The following VAC14 variants were observed in gnomAD, a reference collection of about 807,000 sequenced individuals.
VAC14 encodes VAC14 component of PIKFYVE complex.
In VAC14, 47 loss-of-function variants were observed where a neutral mutation model predicts 85.3. The observed-to-expected ratio is 0.55, with a 90% CI of 0.44 to 0.70. The LOEUF is 0.70. VAC14 is among the 30% of genes least tolerant of loss of function. The pLI, the probability that VAC14 is intolerant of heterozygous loss-of-function variation, is 0.00. For missense variants in VAC14, 861 were observed against 1,004.3 expected (o/e 0.86, Z 1.93); for synonymous variants, 447 against 430.5 (o/e 1.04, Z -0.47).
At chr16:70,691,859 T>G (rs1176079391) in intron 18 of VAC14, 1 of 985,282 alleles carries the variant, frequency 1.0e-6, no homozygotes, top group Admixed American at 6.1e-5. Flanking sequence ...CGGGCAGGCC[T>G]GTCTCAAGGC....
At chr16:70,707,136 G>GCCCCTC (rs1332281635) in intron 14 of VAC14, among the ~76,000 whole-genome samples, 1 of 152,158 alleles carries the variant, frequency 6.6e-6, no homozygotes, top group African/African-American at 2.4e-5. Flanking sequence ...ACTGCATCCT[G>GCCCCTC]CCCCTCCCCC....
chr16:70,730,474 A>G (rs956189605), intron 14 of VAC14, among the ~76,000 whole-genome samples: 1 of 151,566 alleles, frequency 6.6e-6, no homozygotes, highest in African/African-American at 2.4e-5. Context: ...GGACTCCTTC[A>G]ACTCCTGACC....
chr16:70,754,320 T>G (rs547309792), intron 12 of VAC14, among the ~76,000 whole-genome samples: 1 of 152,158 alleles, frequency 6.6e-6, no homozygotes, highest in East Asian at 1.9e-4. Flanking sequence ...GCCATTCCCC[T>G]CTCTTCCCTA....
Position 70,801,065 on chromosome 16 carries a change from C to T in VAC14, c.-165G>A, listed in dbSNP as rs1027257371. 4.1e-6 allele frequency: 2 copies of T among 484,258 alleles called. No individual in the cohort carries two copies. Among genetic ancestry groups the T allele is most frequent in the Non-Finnish European group, 7.1e-6 (2 of 279,930 alleles). The allele number at this position is 484,258 out of a possible 1,614,324, so 30.0% of individuals were successfully genotyped here. The stretch of plus-strand genomic sequence containing the variant: ...GCCGCCTCGCCCTGGAACCCGGGCC[C>T]GGACCCCGCTCCAGCACACCTGACC... On this transcript the variant is annotated 5_prime_UTR_variant, in exon 1 of 19. Coordinates refer to ENST00000261776, the MANE Select transcript of VAC14 (RefSeq NM_018052.5).
chr16:70,699,510 TAA>T (rs2053780534), intron 14 of VAC14: 1 of 152,210 alleles, frequency 6.6e-6, no homozygotes, highest in Non-Finnish European at 1.5e-5. Context: ...CTTGTCTAGT[TAA>T]GAGTCGTTCA....
chr16:70,783,682 C>T, intron 5 of VAC14, 128 bp from the exon 6 acceptor site: 2 of 882,744 alleles, frequency 2.3e-6, no homozygotes, highest in Non-Finnish European at 1.8e-6. Flanking sequence ...GTGCAGGTGT[C>T]CCATGTGGGA....
chr16:70,702,012 T>TAAGAGAA (rs1402562057), intron 14 of VAC14, among the ~76,000 whole-genome samples: 1 of 152,174 alleles, frequency 6.6e-6, no homozygotes, highest in African/African-American at 2.4e-5. Context: ...AGGCCCCTCC[T>TAAGAGAA]ACCAGCCCCT....
chr16:70,759,980 C>CGACTCCCCGCAG (rs2032189617), intron 12 of VAC14, among the ~76,000 whole-genome samples: 1 of 152,142 alleles, frequency 6.6e-6, no homozygotes, highest in Admixed American at 6.5e-5. Flanking sequence ...GGAAGTAAGA[C>CGACTCCCCGCAG]GACTCCCCGC....
chr16:70,757,712 T>G (rs981041051), intron 12 of VAC14, among the ~76,000 whole-genome samples: 35 of 152,302 alleles, frequency 2.3e-4, no homozygotes, highest in Non-Finnish European at 4.4e-5. Flanking sequence ...TGCCCTGATC[T>G]CAATGTGCAT....
chr16:70,793,072 T>C (rs2034405741), intron 1 of VAC14, among the ~76,000 whole-genome samples: 2 of 152,142 alleles, frequency 1.3e-5, no homozygotes, highest in Non-Finnish European at 2.9e-5. Flanking sequence ...GCAAACCAAT[T>C]GCACCCAATT....
At chr16:70,794,526 G>C (rs898466879) in intron 1 of VAC14, among the ~76,000 whole-genome samples, 1 of 152,224 alleles carries the variant, frequency 6.6e-6, no homozygotes, top group Non-Finnish European at 1.5e-5. Flanking sequence ...AGGAGATATG[G>C]GGGAAGCCAG....
chr16:70,782,130 C>A lies in VAC14; in HGVS notation c.812-127G>T, dbSNP rs561179853. 23 of 1,290,036 alleles carry A rather than the reference C, an allele frequency of 1.8e-5. No homozygotes were observed. In the East Asian group the frequency reaches 5.5e-4, roughly 31 times the overall value. 79.9% of individuals were successfully genotyped at this position (1,290,036 alleles called of 1,614,324 possible). A position where few individuals can be genotyped will look rare whatever the true frequency, so the allele number is the denominator to read the frequency against. ...CCAAGCGCCTGACGGCTTCCAGCCT[C>A]ACCAATGCTCTACTACCTGTGTGCT... On this transcript the variant is annotated intron_variant, in intron 7 of 18. Transcript: ENST00000261776.
At chr16:70,797,043 C>T (rs1007787525) in intron 1 of VAC14, among the ~76,000 whole-genome samples, 9 of 152,262 alleles carry the variant, frequency 5.9e-5, no homozygotes, top group African/African-American at 2.2e-4. Flanking sequence ...GCCTGGGCAA[C>T]ATAGTGAGAC....
chr16:70,760,962 GGTGTGTGTGTGTGTGTGTGTGTGTGT>G (rs10671938), intron 12 of VAC14, among the ~76,000 whole-genome samples: 16 of 47,626 alleles, frequency 3.4e-4, no homozygotes, highest in East Asian at 2.2e-3. Context: ...ACGAAGAGAG[GGTGTGTGTGTGTGTGTGTGTGTGTGT>G]GTGTGTGTGT....
intron 14 of VAC14, among the ~76,000 whole-genome samples, chr16:70,728,761 G>A (rs371736584): frequency 3.3e-5 from 5 of 152,246 alleles, no homozygotes; most frequent in African/African-American, 1.2e-4. Context: ...GGGGACTCTA[G>A]CTATAGATTC....
At chr16:70,760,579 A>G (rs373544115) in intron 12 of VAC14, among the ~76,000 whole-genome samples, 31 of 145,764 alleles carry the variant, frequency 2.1e-4, no homozygotes, top group African/African-American at 5.4e-4. Flanking sequence ...CAGTTTCCAC[A>G]CCCTCCCCAG....
intron 10 of VAC14, chr16:70,768,434 C>CT (rs1375970007): frequency 5.5e-6 from 1 of 181,570 alleles, no homozygotes; most frequent in African/African-American, 2.4e-5. Context: ...GGCAAGCATG[C>CT]TTCCTCCAAC....
At chr16:70,698,187 G>A (rs963829304) in intron 15 of VAC14, among the ~76,000 whole-genome samples, 2 of 152,212 alleles carry the variant, frequency 1.3e-5, no homozygotes, top group Non-Finnish European at 2.9e-5. Flanking sequence ...AGCTGTGGGA[G>A]AGAGGGGCCA....
At chr16:70,782,228 T>A (rs1042180598) in intron 7 of VAC14, among the ~76,000 whole-genome samples, 54 of 152,342 alleles carry the variant, frequency 3.5e-4, no homozygotes, top group African/African-American at 1.2e-3. Context: ...GGCAGCCGCA[T>A]CCCTGCCCCT....
Sources: allele counts gnomAD v4.1 joint callset (sites outside exome capture counted in the v4.1 genomes callset), GRCh38; gene constraint gnomAD v4.1.1; transcripts MANE v1.5; gene names NCBI Gene and HGNC (gene_info 2026-07-23, HGNC 2026-07-21).